CASK: variants seen among roughly 807,000 people sequenced by gnomAD.
CASK encodes the protein calcium/calmodulin dependent serine protein kinase.
In CASK, 4 loss-of-function variants were observed where a neutral mutation model predicts 82.9. That is an observed-to-expected ratio of 0.05 (90% confidence interval 0.02 to 0.11). The LOEUF (loss-of-function observed/expected upper bound fraction) is 0.11, where lower values mean the gene tolerates loss of function less well. Among genes scored for constraint, CASK ranks in the 10% least tolerant of loss-of-function variants. The pLI is 1.00. For missense variants in CASK, 358 were observed against 720.9 expected, an observed-to-expected ratio of 0.50 and a Z score of 5.76; for synonymous variants, 259 against 253.5, an observed-to-expected ratio of 1.02 and a Z score of -0.20.
intron 3 of CASK, among the ~76,000 whole-genome samples, chrX:41,757,073 C>T (rs1216873657): frequency 8.9e-6 from 1 of 111,848 alleles, no homozygotes; most frequent in African/African-American, 3.2e-5. Context: ...AAATACAGAG[C>T]CTATGTCCCC....
intron 16 of CASK, among the ~76,000 whole-genome samples, chrX:41,564,863 AC>A (rs1270563324): frequency 1.8e-5 from 2 of 112,128 alleles, no homozygotes; most frequent in Admixed American, 9.5e-5. Context: ...ATGTAAAAGA[AC>A]AAAAATCACA....
chrX:41,680,180 T>C lies in CASK; in HGVS notation c.430-8650A>G, dbSNP rs746127459. On this transcript the variant is annotated intron_variant, in intron 5 of 26. Transcript: ENST00000378163. ...GCCTGGGTGACAGAGTAAGACCTTG[T>C]CTCAAAAAAAAAAAAAAAATTGGCT... 4.2e-5 allele frequency among the ~76,000 whole-genome samples: 4 copies of C among 95,262 alleles called. No homozygotes were observed. In the South Asian group the frequency reaches 1.5e-3, roughly 35 times the overall value. The allele number at this position is 95,262 out of a possible 115,157, so 82.7% of individuals were successfully genotyped here.
intron 15 of CASK, among the ~76,000 whole-genome samples, chrX:41,571,583 T>A (rs1204676258): frequency 8.9e-6 from 1 of 111,863 alleles, no homozygotes; most frequent in African/African-American, 3.2e-5. Context: ...CAGTCTGATC[T>A]TTCCAAAGAA....
intron 9 of CASK, among the ~76,000 whole-genome samples, chrX:41,633,041 CAAAAAAAA>C (rs1162810871): frequency 3.3e-5 from 2 of 61,089 alleles, no homozygotes; most frequent in African/African-American, 1.3e-4. Flanking sequence ...AAGACTCTCT[CAAAAAAAA>C]AAAAAAAAAT....
chrX:41,815,318 C>T (rs1392375040), intron 2 of CASK, among the ~76,000 whole-genome samples: 1 of 110,951 alleles, frequency 9.0e-6, no homozygotes. Flanking sequence ...TAGATATAGT[C>T]TAATGAAGAA....
chrX:41,867,373 A>G (rs1423510505), intron 1 of CASK, among the ~76,000 whole-genome samples: 1 of 112,279 alleles, frequency 8.9e-6, no homozygotes, highest in African/African-American at 3.2e-5. Flanking sequence ...CCAGACACTT[A>G]CATTAGCATA....
intron 22 of CASK, among the ~76,000 whole-genome samples, chrX:41,536,543 G>C (rs1429620953): frequency 9.0e-6 from 1 of 111,530 alleles, no homozygotes; most frequent in Admixed American, 9.6e-5. Context: ...TGCAAAATAA[G>C]ATACTTGGGA....
intron 2 of CASK, among the ~76,000 whole-genome samples, chrX:41,794,273 A>G (rs544885399): frequency 3.5e-3 from 399 of 112,470 alleles, no homozygotes; most frequent in Non-Finnish European, 6.2e-3. Flanking sequence ...AAATTTTCTT[A>G]AATAGGCAAA....
At chrX:41,782,511 G>A (rs2069497589) in intron 3 of CASK, among the ~76,000 whole-genome samples, 1 of 111,927 alleles carries the variant, frequency 8.9e-6, no homozygotes. Flanking sequence ...AAACTATCCT[G>A]TTAAAGCCAC....
chrX:41,607,528 T>C (rs181917581), intron 12 of CASK, among the ~76,000 whole-genome samples: 6 of 112,130 alleles, frequency 5.4e-5, no homozygotes, highest in African/African-American at 1.9e-4. Context: ...TAAACTTCAG[T>C]GGGAAATACA....
intron 15 of CASK, among the ~76,000 whole-genome samples, chrX:41,577,153 C>T: frequency 8.9e-6 from 1 of 112,187 alleles, no homozygotes; most frequent in Admixed American, 9.4e-5. Flanking sequence ...GGAACTTATC[C>T]AATGTTCCCT....
intron 15 of CASK, among the ~76,000 whole-genome samples, chrX:41,570,085 C>T (rs1202619628): frequency 9.7e-6 from 1 of 103,175 alleles, no homozygotes; most frequent in Non-Finnish European, 2.0e-5. Flanking sequence ...TTACTGCTAC[C>T]TCCACCTCCA....
intron 12 of CASK, chrX:41,589,873 A>G: frequency 6.6e-6 from 2 of 304,519 alleles, no homozygotes; most frequent in South Asian, 8.3e-5. Context: ...TATTTCCTCA[A>G]TCACAGTGTT....
intron 5 of CASK, among the ~76,000 whole-genome samples, chrX:41,673,468 C>T (rs1425287260): frequency 1.8e-5 from 2 of 111,467 alleles, no homozygotes; most frequent in African/African-American, 6.5e-5. Flanking sequence ...TGCAAATTAA[C>T]AGAATGTAAA....
intron 3 of CASK, among the ~76,000 whole-genome samples, chrX:41,782,507 T>C (rs1285200838): frequency 8.9e-6 from 1 of 112,000 alleles, no homozygotes; most frequent in Non-Finnish European, 1.9e-5. Flanking sequence ...ACTAAAACTA[T>C]CCTGTTAAAG....
At chrX:41,562,401 C>G (rs753868766) in intron 16 of CASK, 1 of 112,088 alleles carries the variant, frequency 8.9e-6, no homozygotes, top group East Asian at 2.8e-4. Context: ...CAAAAAGATA[C>G]CTCTGCATGC....
intron 2 of CASK, among the ~76,000 whole-genome samples, chrX:41,832,890 C>T (rs1203535408): frequency 8.9e-6 from 1 of 111,779 alleles, no homozygotes; most frequent in African/African-American, 3.3e-5. Flanking sequence ...AGACAGCACT[C>T]AACACTATGC....
chrX:41,762,958 A>G (rs2069030889), intron 3 of CASK, among the ~76,000 whole-genome samples: 1 of 111,353 alleles, frequency 9.0e-6, no homozygotes, highest in African/African-American at 3.3e-5. Context: ...TGGAAACAGC[A>G]GTGGGCTTCT....
chrX:41,773,541 A>G (rs1207854893), intron 3 of CASK, among the ~76,000 whole-genome samples: 1 of 111,269 alleles, frequency 9.0e-6, no homozygotes, highest in Admixed American at 9.6e-5. Flanking sequence ...GAAGGATGGT[A>G]TTATATAATT....
Sources: allele counts gnomAD v4.1 joint callset (sites outside exome capture counted in the v4.1 genomes callset), GRCh38; gene constraint gnomAD v4.1.1; transcripts MANE v1.5; gene names NCBI Gene and HGNC (gene_info 2026-07-23, HGNC 2026-07-21).